PSMD7: variants seen among roughly 807,000 people sequenced by gnomAD.
PSMD7 encodes the protein proteasome 26S subunit, non-ATPase 7, also known as 26S proteasome non-ATPase regulatory subunit 7.
A neutral mutation model predicts 36.4 loss-of-function variants in PSMD7; 13 were observed. The observed-to-expected ratio is 0.36, with a 90% CI of 0.23 to 0.57. The LOEUF (loss-of-function observed/expected upper bound fraction) is 0.57. Among genes scored for constraint, PSMD7 ranks in the 20% least tolerant of loss-of-function variants. The pLI, the probability that PSMD7 is intolerant of heterozygous loss-of-function variation, is 0.83. For missense variants in PSMD7, 298 were observed against 393.6 expected, an observed-to-expected ratio of 0.76 and a Z score of 2.06; for synonymous variants, 186 against 151.0, an observed-to-expected ratio of 1.23 and a Z score of -1.70.
chr16:74,300,296 C>CA, intron 2 of PSMD7, 90 bp downstream of exon 2: 1 of 1,164,948 alleles, frequency 8.6e-7, no homozygotes, highest in Non-Finnish European at 1.3e-6. Context: ...CTTTTGACTA[C>CA]AACCCAGAGA....
rs149290611 is a variant in PSMD7 at position 74,304,032 on chromosome 16, C to T, written c.439-271C>T. 2.8e-3 allele frequency: 870 copies of T among 315,318 alleles called. 6 individuals are homozygous for T. Among genetic ancestry groups the T allele is most frequent in the Non-Finnish European group, 4.2e-3 (693 of 164,232 alleles). 19.5% of individuals were successfully genotyped at this position (315,318 alleles called of 1,614,324 possible). ...AGAATCAACCTGAGACCTCCCTGTG[C>T]GTTCATGCCAAGTGTGGGCTTGAGG... On this transcript the variant is annotated intron_variant, in intron 5 of 6. Transcript: ENST00000219313.
chr16:74,299,664 G>A (rs1234354426), intron 1 of PSMD7: 1 of 420,340 alleles, frequency 2.4e-6, no homozygotes, highest in Admixed American at 2.5e-5. Flanking sequence ...GAAGTGCTGG[G>A]ATTACAGGCA....
At chr16:74,303,475 G>T (rs1445632742) in intron 5 of PSMD7, among the ~76,000 whole-genome samples, 2 of 152,092 alleles carry the variant, frequency 1.3e-5, no homozygotes, top group Non-Finnish European at 2.9e-5. Flanking sequence ...GCCTCTTCTG[G>T]CACAAGGTCT....
At chr16:74,297,308 G>C (rs911387607) in intron 1 of PSMD7, among the ~76,000 whole-genome samples, 1 of 152,218 alleles carries the variant, frequency 6.6e-6, no homozygotes, top group African/African-American at 2.4e-5. Flanking sequence ...GTCGGGAGAT[G>C]CGGCTAGCTT....
intron 2 of PSMD7, among the ~76,000 whole-genome samples, chr16:74,300,711 AAAAT>A (rs1314263381): frequency 8.5e-5 from 13 of 152,362 alleles, no homozygotes; most frequent in Middle Eastern, 3.4e-3. Context: ...TCTAGTGTCT[AAAAT>A]GACCAGCTAG....
chr16:74,302,629 G>C (rs1597119204), intron 5 of PSMD7, among the ~76,000 whole-genome samples: 2 of 152,088 alleles, frequency 1.3e-5, no homozygotes, highest in African/African-American at 4.8e-5. Flanking sequence ...TGTATTCCAA[G>C]CTACTCAGGA....
rs536672128 is a variant in PSMD7, at chr16:74,304,317, C to G, written c.453C>G (p.Thr151=). Residue 151 remains threonine (T), a synonymous_variant, in exon 6 of 7, where the codon ACC becomes ACG. Coordinates refer to ENST00000219313, the MANE Select transcript of PSMD7 (RefSeq NM_002811.5). The part of the protein sequence containing the change: ...VEEVHDDGTP[T]SKTFEHVTSE... ...TCCTCTCCCAGGATGGAACTCCAAC[C>G]TCGAAAACATTTGAACACGTGACCA... The G allele has an allele frequency of 6.2e-7, 1 of 1,614,092 alleles. No individual in the cohort carries two copies. Among genetic ancestry groups the G allele is most frequent in the African/African-American group, 1.3e-5 (1 of 75,046 alleles).
chr16:74,297,973 A>C (rs1053506361), intron 1 of PSMD7, among the ~76,000 whole-genome samples: 3 of 152,074 alleles, frequency 2.0e-5, no homozygotes, highest in Admixed American at 2.0e-4. Context: ...AAAAAAATGT[A>C]TATATAGATG....
At position 74,305,712 on chromosome 16, in the gene PSMD7, G is replaced by T; in HGVS notation, c.954G>T (p.Glu318Asp). The T allele has an allele frequency of 7.1e-7, 1 of 1,411,484 alleles. No individual in the cohort carries two copies. The allele number at this position is 1,411,484 out of a possible 1,614,324, so 87.4% of individuals were successfully genotyped here. A position where few individuals can be genotyped will look rare whatever the true frequency, so the allele number is the denominator to read the frequency against. Residue 318 changes from glutamate to aspartate, a missense_variant, in exon 7 of 7, where the codon GAG becomes GAT. Transcript: ENST00000219313. ...KDKEKSDVKKEEKKEKK is the reference protein window; with the variant it reads ...KDKEKSDVKKDEKKEKK ...AGGAAAAGAGTGATGTAAAGAAAGA[G>T]GAGAAAAAGGAGAAAAAGTAAAACA... is the stretch of plus-strand genomic sequence containing the variant.
At chr16:74,299,583 C>A (rs781593348) in intron 1 of PSMD7, 1 of 455,004 alleles carries the variant, frequency 2.2e-6, no homozygotes, top group Non-Finnish European at 4.4e-6. Flanking sequence ...CAGGGTTTCG[C>A]CATGTTGCCC....
At position 74,305,906 on chromosome 16, in the gene PSMD7, G is replaced by A. The variant is rs990826190; in HGVS notation, c.*173G>A. ...TGCTACGTGGAAGTGAATGGAGACT[G>A]ATCTCAAATCTGAACTGCAGCTTTC... On this transcript the variant is annotated 3_prime_UTR_variant, in exon 7 of 7. Transcript: ENST00000219313. The A allele has an allele frequency of 1.6e-5, 10 of 631,424 alleles. No individual in the cohort carries two copies. Among genetic ancestry groups the A allele is most frequent in the Non-Finnish European group, 2.3e-5 (10 of 432,244 alleles). The allele number at this position is 631,424 out of a possible 1,614,324, so 39.1% of individuals were successfully genotyped here.
Position 74,296,953 on chromosome 16 carries a change from C to T in PSMD7, c.39C>T (p.Pro13=). ...CAGTGCAGAAGGTGGTGGTCCACCC[C>T]CTGGTGCTGCTCAGTGTGGTGGATC... ...ELAVQKVVVH[P]LVLLSVVDHF... The change falls in exon 1 of 7, where the codon CCC becomes CCT. Residue 13 remains proline, a synonymous_variant. Transcript: ENST00000219313. The T allele has an allele frequency of 6.2e-7, 1 of 1,613,348 alleles. No homozygotes were observed. Among genetic ancestry groups the T allele is most frequent in the Non-Finnish European group, 8.5e-7 (1 of 1,179,856 alleles).
intron 1 of PSMD7, chr16:74,299,593 C>T (rs1330360270): frequency 4.4e-6 from 2 of 454,454 alleles, no homozygotes; most frequent in East Asian, 7.0e-5. Context: ...CCATGTTGCC[C>T]ACGCTGCCCA....
chr16:74,297,307 T>C (rs1367531992), intron 1 of PSMD7, among the ~76,000 whole-genome samples: 1 of 152,096 alleles, frequency 6.6e-6, no homozygotes, highest in Non-Finnish European at 1.5e-5. Flanking sequence ...GGTCGGGAGA[T>C]GCGGCTAGCT....
At position 74,306,062 on chromosome 16, in the gene PSMD7, T is replaced by C. The variant is rs2034194707; in HGVS notation, c.*329T>C. 1 of 189,228 alleles carries C rather than the reference T, an allele frequency of 5.3e-6. No individual in the cohort carries two copies. Among genetic ancestry groups the C allele is most frequent in the Non-Finnish European group, 1.1e-5 (1 of 92,184 alleles). The allele number at this position is 189,228 out of a possible 1,614,324, so 11.7% of individuals were successfully genotyped here. A position where few individuals can be genotyped will look rare whatever the true frequency, so the allele number is the denominator to read the frequency against. ...AAAACCAGGAGTTGAATTTTCCTCA[T>C]CTTGAAAGACTCTTGGGGTCTGTTT... On this transcript the variant is annotated 3_prime_UTR_variant, in exon 7 of 7. Coordinates refer to ENST00000219313, the MANE Select transcript of PSMD7 (RefSeq NM_002811.5).
rs76002863 is a variant in PSMD7 at position 74,304,275 on chromosome 16, A to G, written c.439-28A>G. 22 of 1,596,366 alleles carry G rather than the reference A, an allele frequency of 1.4e-5. No homozygotes were observed. In the East Asian group the frequency reaches 4.5e-4, roughly 32 times the overall value. On this transcript the variant is annotated intron_variant, in intron 5 of 6. Transcript: ENST00000219313. ...ATGTCAGTTCGTTTGTGGAAAATAA[A>G]TAATTATAGTTAGGCTTCCTCTCCC...
In PSMD7 at chr16:74,300,061, G is replaced by A; in HGVS notation, c.75-54G>A. On this transcript the variant is annotated intron_variant, in intron 1 of 6. Transcript: ENST00000219313. ...TTTCCCATTGAGTATCTTATTGTTG[G>A]GTTCATGTTTCTGTGCGAGCCTATC... 2.8e-6 allele frequency: 4 copies of A among 1,440,572 alleles called. No homozygotes were observed. The South Asian group carries it at 4.6e-5, about 16-fold the overall frequency. 89.2% of individuals were successfully genotyped at this position (1,440,572 alleles called of 1,614,324 possible). A position where few individuals can be genotyped will look rare whatever the true frequency, so the allele number is the denominator to read the frequency against.
intron 6 of PSMD7, 143 bp from the exon 7 acceptor site, chr16:74,305,146 T>C: frequency 2.8e-6 from 3 of 1,075,864 alleles, no homozygotes; most frequent in Non-Finnish European, 3.8e-6. Flanking sequence ...ACGAAATCTT[T>C]ATCAAATGGG....
In PSMD7 at chr16:74,305,624, A is replaced by C. The variant is rs2034189913; in HGVS notation, c.866A>C (p.Glu289Ala). The C allele has an allele frequency of 6.3e-7, 1 of 1,596,050 alleles. No individual in the cohort carries two copies. The highest frequency in any genetic ancestry group is 8.6e-7 in the Non-Finnish European group (1 of 1,166,214). Residue 289 changes from glutamate to alanine, a missense_variant, in exon 7 of 7, where the codon GAA (glutamate) becomes GCA (alanine). Physicochemically the swap from Glu to Ala is moderately radical, Grantham distance 107 (BLOSUM62 -1). Coordinates refer to ENST00000219313, the MANE Select transcript of PSMD7 (RefSeq NM_002811.5). Reference sequence around the variant, plus strand: ...GCCAACCGGGATGCAGAGAAGAAAGAAGGGCAGGAGAAAGAAGAGAGCAAA... The same window carrying C: ...GCCAACCGGGATGCAGAGAAGAAAGCAGGGCAGGAGAAAGAAGAGAGCAAA... ...KIANRDAEKK[E>A]GQEKEESKKD...
Sources: allele counts gnomAD v4.1 joint callset (sites outside exome capture counted in the v4.1 genomes callset), GRCh38; gene constraint gnomAD v4.1.1; transcripts MANE v1.5; gene names NCBI Gene and HGNC (gene_info 2026-07-23, HGNC 2026-07-21).